Variants in DPP10 observed in about 807,000 individuals in gnomAD.
DPP10 encodes the protein inactive dipeptidyl peptidase 10.
A neutral mutation model predicts 120.9 loss-of-function variants in DPP10; 33 were observed. The ratio of observed to expected loss-of-function variants is 0.27; its 90% CI spans 0.21 to 0.37. The LOEUF is 0.37. Among genes scored for constraint, DPP10 ranks in the 10% least tolerant of loss-of-function variants. The probability of loss-of-function intolerance (pLI) is 1.00; values close to 1 mark genes in which losing one functional copy is unlikely to be tolerated. For missense variants in DPP10, 816 were observed against 942.8 expected, an observed-to-expected ratio of 0.87 and a Z score of 1.76; for synonymous variants, 337 against 326.1, an observed-to-expected ratio of 1.03 and a Z score of -0.36.
intron 1 of DPP10, among the ~76,000 whole-genome samples, chr2:115,005,822 A>G (rs1574680928): frequency 6.6e-6 from 1 of 151,730 alleles, no homozygotes; most frequent in African/African-American, 2.4e-5. Context: ...AATTTCCCCA[A>G]TCTAGCAAGG....
chr2:114,592,533 A>G (rs1274318045), intron 1 of DPP10, among the ~76,000 whole-genome samples: 1 of 152,182 alleles, frequency 6.6e-6, no homozygotes, highest in Non-Finnish European at 1.5e-5. Context: ...TTGGGATTTC[A>G]TGAGGAATAT....
Position 115,812,614 on chromosome 2 carries a change from T to C in DPP10, c.1701-2179T>C, listed in dbSNP as rs528358435. Among the ~76,000 whole-genome samples, 317 of 152,240 alleles carry C rather than the reference T, an allele frequency of 2.1e-3. 1 individual carries two copies. Among genetic ancestry groups the C allele is most frequent in the African/African-American group, 7.3e-3 (302 of 41,546 alleles). On this transcript the variant is annotated intron_variant, in intron 19 of 25. Coordinates refer to ENST00000410059, the MANE Select transcript of DPP10 (RefSeq NM_020868.6). ...CCAAGGTTGCATAAATTAAAATACA[T>C]TTAAAAAGAAAATATAAAAGAAAAG...
chr2:115,025,887 A>C (rs1703424947), intron 1 of DPP10, among the ~76,000 whole-genome samples: 1 of 151,666 alleles, frequency 6.6e-6, no homozygotes, highest in Admixed American at 6.6e-5. Flanking sequence ...TTTGCTATTG[A>C]GTTTTCTGAG....
At chr2:114,860,597 A>G (rs1364494207) in intron 1 of DPP10, among the ~76,000 whole-genome samples, 1 of 152,182 alleles carries the variant, frequency 6.6e-6, no homozygotes, top group Non-Finnish European at 1.5e-5. Flanking sequence ...CATCTTGGCC[A>G]CCACTTTTTC....
chr2:115,032,309 T>TA (rs1201493167), intron 1 of DPP10, among the ~76,000 whole-genome samples: 1 of 151,974 alleles, frequency 6.6e-6, no homozygotes, highest in Non-Finnish European at 1.5e-5. Context: ...GTTGAAGAAG[T>TA]AAAAAACCTG....
At chr2:114,666,769 GT>G in intron 1 of DPP10, among the ~76,000 whole-genome samples, 2 of 152,210 alleles carry the variant, frequency 1.3e-5, no homozygotes, top group Non-Finnish European at 1.5e-5. Flanking sequence ...AAATAATACT[GT>G]TATAGCTGTT....
At chr2:115,351,570 G>A (rs1328084815) in intron 3 of DPP10, among the ~76,000 whole-genome samples, 1 of 151,940 alleles carries the variant, frequency 6.6e-6, no homozygotes, top group Non-Finnish European at 1.5e-5. Flanking sequence ...ACACATAGGA[G>A]GCTATTGAAA....
chr2:114,951,180 G>A (rs921879557), intron 1 of DPP10, among the ~76,000 whole-genome samples: 1 of 152,130 alleles, frequency 6.6e-6, no homozygotes, highest in African/African-American at 2.4e-5. Flanking sequence ...CATAAATCAA[G>A]GCAAGATTTA....
chr2:114,867,445 G>A (rs1033977874), intron 1 of DPP10, among the ~76,000 whole-genome samples: 22 of 152,138 alleles, frequency 1.4e-4, no homozygotes, highest in Admixed American at 4.6e-4. Context: ...TACTAGTTAT[G>A]CTTTTTAGCT....
intron 1 of DPP10, among the ~76,000 whole-genome samples, chr2:114,515,813 T>C (rs1052814157): frequency 1.3e-5 from 2 of 152,170 alleles, no homozygotes; most frequent in African/African-American, 4.8e-5. Flanking sequence ...TCAACCTTTT[T>C]TTTTTTCTAG....
At chr2:115,581,616 A>G (rs1226123103) in intron 5 of DPP10, among the ~76,000 whole-genome samples, 1 of 152,216 alleles carries the variant, frequency 6.6e-6, no homozygotes, top group African/African-American at 2.4e-5. Flanking sequence ...TAAGAACAGT[A>G]GTCTCAGTGG....
intron 1 of DPP10, among the ~76,000 whole-genome samples, chr2:115,128,560 G>C (rs918074598): frequency 1.3e-5 from 2 of 152,108 alleles, no homozygotes. Flanking sequence ...AAAATGTTCA[G>C]AAACATTTGG....
At chr2:115,471,026 A>C (rs148896598) in intron 3 of DPP10, among the ~76,000 whole-genome samples, 1 of 152,280 alleles carries the variant, frequency 6.6e-6, no homozygotes, top group Non-Finnish European at 1.5e-5. Flanking sequence ...TAAGTGATAA[A>C]TATCTTATGA....
chr2:114,772,851 A>G (rs1357924362), intron 1 of DPP10, among the ~76,000 whole-genome samples: 1 of 152,122 alleles, frequency 6.6e-6, no homozygotes, highest in African/African-American at 2.4e-5. Flanking sequence ...ATGAGCTTCC[A>G]TTTATGTTCC....
intron 1 of DPP10, among the ~76,000 whole-genome samples, chr2:114,664,339 T>A (rs1354780496): frequency 6.6e-6 from 1 of 151,766 alleles, no homozygotes; most frequent in Non-Finnish European, 1.5e-5. Context: ...TAGAAAGTCG[T>A]CATGTCTGGC....
chr2:115,827,310 C>CATGTATATGTATATGT (rs1332459126), intron 21 of DPP10, among the ~76,000 whole-genome samples: 1 of 39,930 alleles, frequency 2.5e-5, no homozygotes, highest in African/African-American at 8.2e-5. Context: ...CATATATATA[C>CATGTATATGTATATGT]ACATGTACAT....
At chr2:114,910,134 CATAA>C (rs1251390422) in intron 1 of DPP10, among the ~76,000 whole-genome samples, 2 of 151,484 alleles carry the variant, frequency 1.3e-5, no homozygotes, top group Non-Finnish European at 2.9e-5. Flanking sequence ...GGCCTTCCTG[CATAA>C]ATAAATAAAT....
At chr2:115,840,311 G>GTTTT (rs1396102493) in intron 24 of DPP10, among the ~76,000 whole-genome samples, 2 of 33,240 alleles carry the variant, frequency 6.0e-5, no homozygotes, top group African/African-American at 1.8e-4. Context: ...CAGATATAAG[G>GTTTT]TTTTTTGGTT....
intron 1 of DPP10, among the ~76,000 whole-genome samples, chr2:115,198,915 A>G (rs1380374836): frequency 2.0e-5 from 3 of 152,154 alleles, no homozygotes; most frequent in African/African-American, 7.2e-5. Flanking sequence ...AGTTCTCCTT[A>G]CCTTTTCTTC....
Sources: allele counts gnomAD v4.1 joint callset (sites outside exome capture counted in the v4.1 genomes callset), GRCh38; gene constraint gnomAD v4.1.1; transcripts MANE v1.5; gene names NCBI Gene and HGNC (gene_info 2026-07-23, HGNC 2026-07-21).